PPP2CA: variants seen among roughly 807,000 people sequenced by gnomAD.
The protein encoded by PPP2CA is protein phosphatase 2 catalytic subunit alpha.
In PPP2CA, 5 loss-of-function variants were observed where a neutral mutation model predicts 38.8. The ratio of observed to expected loss-of-function variants is 0.13; its 90% CI spans 0.07 to 0.27. The LOEUF (loss-of-function observed/expected upper bound fraction) is 0.27. Ranked by LOEUF, PPP2CA falls within the 10% of genes least tolerant of loss-of-function variation. The pLI is 1.00. For missense variants in PPP2CA, 88 were observed against 389.7 expected (o/e 0.23, Z 6.52); for synonymous variants, 152 against 134.0 (o/e 1.13, Z -0.93).
At chr5:134,207,955 AAC>A (rs1425926414) in intron 1 of PPP2CA, among the ~76,000 whole-genome samples, 1 of 152,214 alleles carries the variant, frequency 6.6e-6, no homozygotes, top group Non-Finnish European at 1.5e-5. Context: ...ATCACTAAAA[AAC>A]ACAAATTCAC....
At position 134,196,366 on chromosome 5, in the gene PPP2CA, T is replaced by G. The variant is rs759268535; in HGVS notation, c.*1406A>C. 2 of 152,068 alleles carry G rather than the reference T, an allele frequency of 1.3e-5. No homozygotes were observed. The highest frequency in any genetic ancestry group is 6.6e-5 in the Admixed American group (1 of 15,248). 9.4% of individuals were successfully genotyped at this position (152,068 alleles called of 1,614,324 possible). On this transcript the variant is annotated 3_prime_UTR_variant, in exon 7 of 7. Coordinates refer to ENST00000481195, the MANE Select transcript of PPP2CA (RefSeq NM_002715.4). ...CAAATATTAGTTCCCACAGAAGAACTTTTTTTTAAACATCTAATCCTATTC... is the reference window on the plus strand; with the variant it reads ...CAAATATTAGTTCCCACAGAAGAACGTTTTTTTAAACATCTAATCCTATTC...
At chr5:134,221,471 T>C (rs902383297) in intron 1 of PPP2CA, among the ~76,000 whole-genome samples, 4 of 152,130 alleles carry the variant, frequency 2.6e-5, no homozygotes, top group African/African-American at 7.2e-5. Flanking sequence ...TTATACTTTA[T>C]TAGAATACTT....
At position 134,195,990 on chromosome 5, in the gene PPP2CA, T is replaced by A. The variant is rs565943909; in HGVS notation, c.*1782A>T. 6.6e-6 allele frequency: 1 copy of A among 152,282 alleles called. No homozygotes were observed. Among genetic ancestry groups the A allele is most frequent in the African/African-American group, 2.4e-5 (1 of 41,556 alleles). 9.4% of individuals were successfully genotyped at this position (152,282 alleles called of 1,614,324 possible). On this transcript the variant is annotated 3_prime_UTR_variant, in exon 7 of 7. Transcript: ENST00000481195. ...GTTTGGGTATTAAAACCACTGCACA[T>A]GGATAAGCTATTTGTTCAGTCGGAG...
intron 1 of PPP2CA, among the ~76,000 whole-genome samples, chr5:134,213,067 G>A (rs947107808): frequency 2.6e-5 from 4 of 152,212 alleles, no homozygotes; most frequent in Admixed American, 2.6e-4. Flanking sequence ...GATAAGTGAT[G>A]AAGGTGGTTG....
rs916310804 is a variant in PPP2CA, at chr5:134,197,510, C to T, written c.*262G>A. On this transcript the variant is annotated 3_prime_UTR_variant, in exon 7 of 7. Coordinates refer to ENST00000481195, the MANE Select transcript of PPP2CA (RefSeq NM_002715.4). ...AGTCTCTCAGAGAAAGCAAAAGTAA[C>T]TACAAATAGCGCTATGCCAGAAACT... is the stretch of plus-strand genomic sequence containing the variant. 1 of 456,846 alleles carries T rather than the reference C, an allele frequency of 2.2e-6. No individual in the cohort carries two copies. Among genetic ancestry groups the T allele is most frequent in the Non-Finnish European group, 4.0e-6 (1 of 251,522 alleles). 28.3% of individuals were successfully genotyped at this position (456,846 alleles called of 1,614,324 possible).
chr5:134,210,707 C>T (rs148652368), intron 1 of PPP2CA, among the ~76,000 whole-genome samples: 1,792 of 152,244 alleles, frequency 0.012, 18 homozygotes, highest in Non-Finnish European at 0.018. Flanking sequence ...GTGGCACACA[C>T]TTGTAATCCT....
chr5:134,223,119 T>C (rs1287810338), intron 1 of PPP2CA, among the ~76,000 whole-genome samples: 2 of 152,212 alleles, frequency 1.3e-5, no homozygotes, highest in Non-Finnish European at 2.9e-5. Flanking sequence ...GCTTTTACAT[T>C]ATCATTCCTT....
intron 1 of PPP2CA, among the ~76,000 whole-genome samples, chr5:134,220,607 A>T (rs1452816970): frequency 2.0e-5 from 3 of 152,120 alleles, no homozygotes; most frequent in Non-Finnish European, 4.4e-5. Context: ...GTCAAAGCAG[A>T]AAGAATAAAT....
intron 1 of PPP2CA, among the ~76,000 whole-genome samples, chr5:134,207,024 G>T (rs181270397): frequency 7.9e-5 from 12 of 152,332 alleles, no homozygotes; most frequent in African/African-American, 2.9e-4. Flanking sequence ...AATTACCAGA[G>T]AATTGTTGCT....
chr5:134,224,124 T>TA lies in PPP2CA; in HGVS notation c.102+1635dup, dbSNP rs1414159780. 3 of 322,350 alleles carry TA rather than the reference T, an allele frequency of 9.3e-6. No homozygotes were observed. The East Asian group carries it at 2.7e-4, about 29-fold the overall frequency. 20.0% of individuals were successfully genotyped at this position (322,350 alleles called of 1,614,324 possible). ...CTAGTCAACTGGCCAACTACTGACTTAAAAGTCTTTCATATAATGCACTGA... is the reference window on the plus strand; with the variant it reads ...CTAGTCAACTGGCCAACTACTGACTTAAAAAGTCTTTCATATAATGCACTGA... On this transcript the variant is annotated intron_variant, in intron 1 of 6. Transcript: ENST00000481195.
intron 1 of PPP2CA, among the ~76,000 whole-genome samples, chr5:134,220,659 A>T (rs1040033475): frequency 3.3e-5 from 5 of 152,046 alleles, no homozygotes; most frequent in Admixed American, 6.6e-5. Context: ...TCTCCTCAGT[A>T]CCCTGATAAA....
In PPP2CA at chr5:134,208,641, GA is replaced by G. The variant is rs376931269; in HGVS notation, c.103-2511del. On this transcript the variant is annotated intron_variant, in intron 1 of 6. Transcript: ENST00000481195. ...TCAGCTTACAATGTTTTCAAGTTAT[GA>G]TATATTTATCTGGATGTAGTCCCAT... 4.3e-4 allele frequency among the ~76,000 whole-genome samples: 65 copies of G among 152,224 alleles called. 1 individual carries two copies. In the East Asian group the frequency reaches 0.012, roughly 28 times the overall value.
chr5:134,214,195 T>C (rs1448259587), intron 1 of PPP2CA, among the ~76,000 whole-genome samples: 2 of 152,188 alleles, frequency 1.3e-5, no homozygotes, highest in Non-Finnish European at 2.9e-5. Flanking sequence ...CTTTAAGATA[T>C]ATAACTATCT....
chr5:134,200,001 T>A (rs1029606019), intron 5 of PPP2CA, among the ~76,000 whole-genome samples: 6 of 152,216 alleles, frequency 3.9e-5, no homozygotes, highest in African/African-American at 1.2e-4. Context: ...CTCTCCTACA[T>A]ACATACATTA....
chr5:134,210,211 CACCTCCAGA>C (rs758844243), intron 1 of PPP2CA, among the ~76,000 whole-genome samples: 1 of 152,174 alleles, frequency 6.6e-6, no homozygotes, highest in African/African-American at 2.4e-5. Flanking sequence ...CTTTATGGAT[CACCTCCAGA>C]GCCTCCAGAC....
intron 2 of PPP2CA, among the ~76,000 whole-genome samples, chr5:134,204,938 T>TA (rs1445605885): frequency 0.016 from 129 of 8,078 alleles, no homozygotes; most frequent in African/African-American, 0.055. Flanking sequence ...TTCCTCGATA[T>TA]TTTTTTTTTT....
At chr5:134,215,507 G>A (rs891555763) in intron 1 of PPP2CA, among the ~76,000 whole-genome samples, 4 of 152,122 alleles carry the variant, frequency 2.6e-5, no homozygotes, top group Admixed American at 2.6e-4. Context: ...CCCAGGAGGT[G>A]GAGGTTGCAG....
In PPP2CA at chr5:134,202,036, T is replaced by C. The variant is rs374190802; in HGVS notation, c.313-15A>G. The C allele has an allele frequency of 1.3e-5, 21 of 1,559,790 alleles. No individual in the cohort carries two copies. The East Asian group carries it at 1.9e-4, about 14-fold the overall frequency. ...CGGTAACGAACCTAAAACAATAAAA[T>C]GCAAAACATAAACAACTAGCTCTTT... On this transcript the variant is annotated splice_polypyrimidine_tract_variant and intron_variant, in intron 2 of 6. Transcript: ENST00000481195.
Position 134,195,789 on chromosome 5 carries a change from A to C in PPP2CA, c.*1983T>G, listed in dbSNP as rs1162049117. 3.3e-5 allele frequency: 5 copies of C among 152,254 alleles called. No homozygotes were observed. The allele number at this position is 152,254 out of a possible 1,614,324, so 9.4% of individuals were successfully genotyped here. ...GTCTCTATAATTAAACAATTATTTT[A>C]AACCCTAGTTATGCTAAAACCAAGC... On this transcript the variant is annotated 3_prime_UTR_variant, in exon 7 of 7. Transcript: ENST00000481195.
Sources: gnomAD v4.1 joint callset for allele counts (sites outside exome capture counted in the v4.1 genomes callset) on GRCh38, gnomAD v4.1.1 for gene constraint, MANE v1.5 for transcripts, NCBI Gene and HGNC (gene_info 2026-07-23, HGNC 2026-07-21) for gene names.